Variants in ZDHHC21 observed in about 807,000 individuals in gnomAD.
The protein encoded by ZDHHC21 is palmitoyltransferase ZDHHC21.
Under a neutral mutation model 34.6 loss-of-function variants are expected in ZDHHC21, and 15 were observed. The observed-to-expected ratio is 0.43, with a 90% confidence interval of 0.29 to 0.67. ZDHHC21 has a LOEUF of 0.67. Ranked by LOEUF, ZDHHC21 falls within the 30% of genes least tolerant of loss-of-function variation. The probability of loss-of-function intolerance (pLI) is 0.14; values close to 1 mark genes in which losing one functional copy is unlikely to be tolerated. For synonymous variants in ZDHHC21, 142 were observed against 101.8 expected, an observed-to-expected ratio of 1.40 and a Z score of -2.38; for missense variants, 344 against 327.7, an observed-to-expected ratio of 1.05 and a Z score of -0.38.
chr9:14,692,947 A>G (rs1563766722), intron 1 of ZDHHC21, among the ~76,000 whole-genome samples: 1 of 151,750 alleles, frequency 6.6e-6, no homozygotes, highest in African/African-American at 2.4e-5. Flanking sequence ...TAGAGCAGGA[A>G]CCCCCCACCC....
intron 8 of ZDHHC21, among the ~76,000 whole-genome samples, chr9:14,624,792 G>A (rs1825921832): frequency 6.6e-6 from 1 of 151,980 alleles, no homozygotes; most frequent in Non-Finnish European, 1.5e-5. Flanking sequence ...CCTGAAGAGA[G>A]GATTTCGGAT....
chr9:14,644,506 G>A lies in ZDHHC21; in HGVS notation c.505-4494C>T, dbSNP rs796536129. On this transcript the variant is annotated intron_variant, in intron 7 of 9. Coordinates refer to ENST00000380916, the MANE Select transcript of ZDHHC21 (RefSeq NM_178566.6). ...ATGCTATAGTTGGTTGATTTTGTGT[G>A]TTTTTTTTTTAAGGGGGTCGGGAAG... is the stretch of plus-strand genomic sequence containing the variant. 6.5e-4 allele frequency among the ~76,000 whole-genome samples: 97 copies of A among 148,624 alleles called. 1 individual carries two copies. Among genetic ancestry groups the A allele is most frequent in the African/African-American group, 2.2e-3 (88 of 40,476 alleles).
rs533588535 is a variant in ZDHHC21 at position 14,682,947 on chromosome 9, T to C, written c.-175-2785A>G. 4.6e-5 allele frequency among the ~76,000 whole-genome samples: 7 copies of C among 152,204 alleles called. No homozygotes were observed. The East Asian group carries it at 5.8e-4, about 13-fold the overall frequency. On this transcript the variant is annotated intron_variant, in intron 2 of 9. Transcript: ENST00000380916. ...TGCTCCTGAGTGACTACTAGGTACATAACGAAATGAAGGCAGAAATAAAGA... is the reference window on the plus strand; with the variant it reads ...TGCTCCTGAGTGACTACTAGGTACACAACGAAATGAAGGCAGAAATAAAGA...
At chr9:14,689,362 T>A (rs1189423310) in intron 2 of ZDHHC21, among the ~76,000 whole-genome samples, 1 of 152,204 alleles carries the variant, frequency 6.6e-6, no homozygotes, top group Non-Finnish European at 1.5e-5. Flanking sequence ...ATAAAGAATG[T>A]ATAATGCAAG....
chr9:14,624,266 G>T (rs1420032803), intron 8 of ZDHHC21, among the ~76,000 whole-genome samples: 1 of 152,028 alleles, frequency 6.6e-6, no homozygotes, highest in Non-Finnish European at 1.5e-5. Flanking sequence ...TAAGGAACAG[G>T]AGCCTCAATG....
chr9:14,662,146 T>C, intron 6 of ZDHHC21, 69 bp downstream of exon 6: 8 of 1,108,426 alleles, frequency 7.2e-6, no homozygotes, highest in Non-Finnish European at 1.0e-5. Context: ...TGTTTAAAGC[T>C]GCCAAGTTGT....
At chr9:14,623,157 A>G (rs1825600125) in intron 8 of ZDHHC21, among the ~76,000 whole-genome samples, 1 of 118,600 alleles carries the variant, frequency 8.4e-6, no homozygotes, top group Non-Finnish European at 1.6e-5. Flanking sequence ...AGGCAACAAC[A>G]AAAAAAAAAA....
chr9:14,661,381 G>C (rs1214007271), intron 6 of ZDHHC21, among the ~76,000 whole-genome samples: 3 of 152,022 alleles, frequency 2.0e-5, no homozygotes, highest in South Asian at 2.1e-4. Context: ...TAAATTAAGA[G>C]GCTCATTATG....
At chr9:14,679,276 G>C (rs768139276) in intron 3 of ZDHHC21, among the ~76,000 whole-genome samples, 1 of 152,156 alleles carries the variant, frequency 6.6e-6, no homozygotes, top group Non-Finnish European at 1.5e-5. Flanking sequence ...ATAGTGGACA[G>C]AAAGACAGAT....
intron 8 of ZDHHC21, among the ~76,000 whole-genome samples, chr9:14,632,763 C>A (rs1157490415): frequency 2.0e-5 from 3 of 151,844 alleles, no homozygotes; most frequent in Non-Finnish European, 4.4e-5. Context: ...AGTAAAATGG[C>A]AACCCAATTA....
chr9:14,631,215 C>T (rs957100009), intron 8 of ZDHHC21, among the ~76,000 whole-genome samples: 6 of 152,212 alleles, frequency 3.9e-5, no homozygotes, highest in African/African-American at 1.4e-4. Context: ...TAATTTGTTG[C>T]AACTTCTACA....
chr9:14,654,392 C>G (rs538337068), intron 7 of ZDHHC21, among the ~76,000 whole-genome samples: 1 of 37,556 alleles, frequency 2.7e-5, no homozygotes, highest in African/African-American at 9.9e-5. Context: ...TCTCTTATAT[C>G]CTATCAAAAA....
At chr9:14,596,210 T>C in the ZDHHC21 span, among the ~76,000 whole-genome samples, 7 of 152,222 alleles carry the variant, frequency 4.6e-5, no homozygotes, top group Non-Finnish European at 8.8e-5. Flanking sequence ...AGATTGGTAA[T>C]ACAATGGAAT....
chr9:14,674,558 T>C (rs1836020943), intron 3 of ZDHHC21, among the ~76,000 whole-genome samples, 173 bp from the exon 4 acceptor site: 1 of 152,040 alleles, frequency 6.6e-6, no homozygotes, highest in African/African-American at 2.4e-5. Flanking sequence ...TTACAATAAA[T>C]ACTTGGGAAA....
intron 2 of ZDHHC21, among the ~76,000 whole-genome samples, chr9:14,688,057 C>A (rs1451356495): frequency 6.6e-6 from 1 of 150,728 alleles, no homozygotes; most frequent in Non-Finnish European, 1.5e-5. Context: ...GCTCTCATTG[C>A]CAATTAGGAA....
At chr9:14,683,301 A>T (rs554762642) in intron 2 of ZDHHC21, among the ~76,000 whole-genome samples, 19 of 143,900 alleles carry the variant, frequency 1.3e-4, no homozygotes, top group South Asian at 4.7e-4. Flanking sequence ...ATAGACCGCT[A>T]GCAAGACTAA....
chr9:14,679,918 T>G (rs1452384016), intron 3 of ZDHHC21, 115 bp downstream of exon 3: 2 of 152,404 alleles, frequency 1.3e-5, no homozygotes, highest in East Asian at 3.9e-4. Flanking sequence ...TAAATAAACA[T>G]AAAGTAACTA....
At chr9:14,604,127 TG>T in the ZDHHC21 span, among the ~76,000 whole-genome samples, 1 of 152,148 alleles carries the variant, frequency 6.6e-6, no homozygotes, top group Non-Finnish European at 1.5e-5. Flanking sequence ...AGTGAGGATG[TG>T]GGGGAAGATG....
At chr9:14,663,161 C>A (rs1305771808) in intron 5 of ZDHHC21, among the ~76,000 whole-genome samples, 1 of 152,044 alleles carries the variant, frequency 6.6e-6, no homozygotes, top group Non-Finnish European at 1.5e-5. Context: ...GAGTCATCTT[C>A]CTAGAAAAGA....
Sources: gnomAD v4.1 joint callset for allele counts (sites outside exome capture counted in the v4.1 genomes callset) on GRCh38, gnomAD v4.1.1 for gene constraint, MANE v1.5 for transcripts, NCBI Gene and HGNC (gene_info 2026-07-23, HGNC 2026-07-21) for gene names.